UMAD1: variants seen among roughly 807,000 people sequenced by gnomAD.
The protein encoded by UMAD1 is UBAP1-MVB12-associated (UMA) domain containing 1.
Under a neutral mutation model 6.1 loss-of-function variants are expected in UMAD1, and 8 were observed. The observed-to-expected ratio is 1.30, with a 90% CI of 0.76 to 2.35. The LOEUF (loss-of-function observed/expected upper bound fraction) is 2.35. Among genes scored for constraint, UMAD1 ranks in the 30% most tolerant of loss-of-function variants. The pLI is 0.00. For synonymous variants in UMAD1, 56 were observed against 31.4 expected (o/e 1.78, Z -2.61); for missense variants, 130 against 78.4 (o/e 1.66, Z -2.49).
At chr7:7,796,780 G>T (rs933960646) in intron 2 of UMAD1, among the ~76,000 whole-genome samples, 1 of 151,942 alleles carries the variant, frequency 6.6e-6, no homozygotes, top group African/African-American at 2.4e-5. Flanking sequence ...AGAGAATACC[G>T]TTTCTTCATC....
Position 7,778,275 on chromosome 7 carries a change from T to TGTGTGTGAGA in UMAD1, c.83-23394_83-23393insTGTGTGAGAG, listed in dbSNP as rs1271237125. On this transcript the variant is annotated intron_variant, in intron 2 of 3. Coordinates refer to ENST00000682710, the MANE Select transcript of UMAD1 (RefSeq NM_001302348.2). ...GTGTGTGTGTGTGTGTGTGTGTGTGTGAGAGAGAGAGAGAGAGAGAGACAG... is the reference window on the plus strand; with the variant it reads ...GTGTGTGTGTGTGTGTGTGTGTGTGTGTGTGTGAGAGAGAGAGAGAGAGAGAGAGAGACAG... 4.1e-3 allele frequency among the ~76,000 whole-genome samples: 452 copies of TGTGTGTGAGA among 110,510 alleles called. 7 individuals are homozygous for TGTGTGTGAGA. Among genetic ancestry groups the TGTGTGTGAGA allele is most frequent in the Admixed American group, 0.024 (255 of 10,622 alleles). 72.5% of individuals were successfully genotyped at this position (110,510 alleles called of 152,430 possible).
At chr7:7,804,568 G>A (rs1246704224) in intron 3 of UMAD1, among the ~76,000 whole-genome samples, 5 of 152,256 alleles carry the variant, frequency 3.3e-5, no homozygotes, top group Non-Finnish European at 7.3e-5. Context: ...AGCTACTCAG[G>A]AGGCTGAGGC....
At chr7:7,876,017 C>T (rs540947373) in intron 3 of UMAD1, among the ~76,000 whole-genome samples, 4 of 152,248 alleles carry the variant, frequency 2.6e-5, no homozygotes, top group South Asian at 2.1e-4. Flanking sequence ...TCACGCACTG[C>T]GCCCCAGCCT....
intron 2 of UMAD1, among the ~76,000 whole-genome samples, chr7:7,674,515 G>C (rs1563109392): frequency 6.6e-6 from 1 of 152,204 alleles, no homozygotes; most frequent in Non-Finnish European, 1.5e-5. Context: ...CCAGGGACAG[G>C]AGCAGTAGCT....
chr7:7,768,569 ACTC>A (rs1257606662), intron 2 of UMAD1, among the ~76,000 whole-genome samples: 1 of 148,516 alleles, frequency 6.7e-6, no homozygotes, highest in Non-Finnish European at 1.5e-5. Context: ...AGGCCTGAAA[ACTC>A]CTCCTGCTCT....
intron 3 of UMAD1, among the ~76,000 whole-genome samples, chr7:7,860,977 A>G (rs75238804): frequency 9.1e-4 from 138 of 152,292 alleles, no homozygotes; most frequent in African/African-American, 3.2e-3. Context: ...AAAACATTTT[A>G]TTAAGTAAAA....
At chr7:7,777,404 G>A (rs1782232363) in intron 2 of UMAD1, among the ~76,000 whole-genome samples, 1 of 150,594 alleles carries the variant, frequency 6.6e-6, no homozygotes, top group Non-Finnish European at 1.5e-5. Flanking sequence ...TACTCGGGAG[G>A]ATGAGGCAGG....
chr7:7,678,367 T>G (rs1779801869), intron 2 of UMAD1, among the ~76,000 whole-genome samples: 1 of 148,990 alleles, frequency 6.7e-6, no homozygotes, highest in South Asian at 2.1e-4. Context: ...AATATGCCTA[T>G]TGGTCATTTT....
At chr7:7,786,128 C>G (rs988040073) in intron 2 of UMAD1, among the ~76,000 whole-genome samples, 1 of 152,164 alleles carries the variant, frequency 6.6e-6, no homozygotes, top group Non-Finnish European at 1.5e-5. Context: ...AAGGGCATCT[C>G]CTACATTTAC....
At chr7:7,813,979 G>A (rs937927826) in intron 3 of UMAD1, among the ~76,000 whole-genome samples, 2 of 150,100 alleles carry the variant, frequency 1.3e-5, no homozygotes, top group Non-Finnish European at 3.0e-5. Flanking sequence ...ATTTCATATT[G>A]CTTTTTATTT....
chr7:7,694,467 T>C (rs1238392159), intron 2 of UMAD1, among the ~76,000 whole-genome samples: 1 of 152,116 alleles, frequency 6.6e-6, no homozygotes, highest in Non-Finnish European at 1.5e-5. Context: ...AAATGCCAGA[T>C]CTTACTTATT....
intron 3 of UMAD1, among the ~76,000 whole-genome samples, chr7:7,811,429 C>G (rs144059313): frequency 2.3e-4 from 35 of 152,268 alleles, no homozygotes; most frequent in Non-Finnish European, 4.7e-4. Context: ...TTTCTCCAAC[C>G]TTTATTTTCA....
At chr7:7,764,980 T>C (rs1440279291) in intron 2 of UMAD1, among the ~76,000 whole-genome samples, 1 of 151,966 alleles carries the variant, frequency 6.6e-6, no homozygotes, top group Non-Finnish European at 1.5e-5. Flanking sequence ...ACACCTCTGC[T>C]CTGCTCTATT....
chr7:7,726,762 T>C (rs1360437656), intron 2 of UMAD1, among the ~76,000 whole-genome samples: 2 of 152,164 alleles, frequency 1.3e-5, no homozygotes, highest in African/African-American at 2.4e-5. Flanking sequence ...TCCATTAAAC[T>C]GGAAGTTAAG....
chr7:7,793,626 G>T (rs947660417), intron 2 of UMAD1, among the ~76,000 whole-genome samples: 1 of 152,138 alleles, frequency 6.6e-6, no homozygotes, highest in African/African-American at 2.4e-5. Flanking sequence ...AATCAGAATC[G>T]TGTAGCAGAA....
rs933298407 is a variant in UMAD1 at position 7,759,271 on chromosome 7, A to G, written c.83-42399A>G. Reference sequence around the variant, plus strand: ...GGACACTAAACCTTCCTTCTCCCCAAGTTTGTTTATCTTTCCTGGACTCTA... The same window carrying G: ...GGACACTAAACCTTCCTTCTCCCCAGGTTTGTTTATCTTTCCTGGACTCTA... On this transcript the variant is annotated intron_variant, in intron 2 of 3. Coordinates refer to ENST00000682710, the MANE Select transcript of UMAD1 (RefSeq NM_001302348.2). Among the ~76,000 whole-genome samples the G allele has an allele frequency of 3.4e-4, 51 of 152,166 alleles. 1 individual carries two copies. Among genetic ancestry groups the G allele is most frequent in the African/African-American group, 1.2e-3 (48 of 41,438 alleles).
chr7:7,698,797 G>A (rs1273066613), intron 2 of UMAD1, among the ~76,000 whole-genome samples: 1 of 151,582 alleles, frequency 6.6e-6, no homozygotes, highest in East Asian at 1.9e-4. Flanking sequence ...TCATCTCAAA[G>A]TGATTTGGAG....
At chr7:7,680,517 C>T (rs1779883123) in intron 2 of UMAD1, among the ~76,000 whole-genome samples, 2 of 151,960 alleles carry the variant, frequency 1.3e-5, no homozygotes, top group Admixed American at 6.6e-5. Context: ...GTTTTGGCTT[C>T]TCTGGGTCTT....
intron 2 of UMAD1, among the ~76,000 whole-genome samples, chr7:7,722,157 CTATATATATATATG>C (rs1225973016): frequency 8.1e-5 from 10 of 122,742 alleles, no homozygotes; most frequent in African/African-American, 3.0e-4. Context: ...CTCTCTCTCT[CTATATATATATATG>C]TATATATATG....
Sources: allele counts gnomAD v4.1 joint callset (sites outside exome capture counted in the v4.1 genomes callset), GRCh38; gene constraint gnomAD v4.1.1; transcripts MANE v1.5; gene names NCBI Gene and HGNC (gene_info 2026-07-23, HGNC 2026-07-21).